Variants in EIF4E3 observed in about 807,000 individuals in gnomAD.
EIF4E3 encodes eukaryotic translation initiation factor 4E type 3.
In EIF4E3, 26 loss-of-function variants were observed where a neutral mutation model predicts 31.7. That is an observed-to-expected ratio of 0.82 (90% CI 0.60 to 1.14). The LOEUF (loss-of-function observed/expected upper bound fraction) is 1.14. EIF4E3 is among the 50% of genes most tolerant of loss of function. The pLI is 0.00. For missense variants in EIF4E3, 304 were observed against 270.9 expected (o/e 1.12, Z -0.86); for synonymous variants, 128 against 107.7 (o/e 1.19, Z -1.17).
chr3:71,752,797 G>A (rs1316062914), intron 1 of EIF4E3, among the ~76,000 whole-genome samples: 1 of 152,214 alleles, frequency 6.6e-6, no homozygotes, highest in Non-Finnish European at 1.5e-5. Context: ...GGGTTAGAAG[G>A]AGGCCCTACG....
intron 1 of EIF4E3, among the ~76,000 whole-genome samples, chr3:71,713,261 C>A (rs1301159629): frequency 6.6e-6 from 1 of 152,148 alleles, no homozygotes; most frequent in Non-Finnish European, 1.5e-5. Context: ...TTGCCCATAG[C>A]CACAAATATG....
chr3:71,727,903 C>G (rs1158424926), upstream of EIF4E3, among the ~76,000 whole-genome samples: 3 of 152,132 alleles, frequency 2.0e-5, no homozygotes, highest in Non-Finnish European at 4.4e-5. Flanking sequence ...GGATTGTGTA[C>G]CACATGAAAA....
In EIF4E3 at chr3:71,698,561, G is replaced by A. The variant is rs368595936; in HGVS notation, c.344+1053C>T. On this transcript the variant is annotated intron_variant, in intron 3 of 6. Transcript: ENST00000425534. ...TCCACTCAGGCAGGGTTGACTCCAC[G>A]TCCTAGCTTCAAAGATGGGCTTCTG... Among the ~76,000 whole-genome samples the A allele has an allele frequency of 9.2e-5, 14 of 152,274 alleles. No homozygotes were observed. The East Asian group carries it at 1.4e-3, about 15-fold the overall frequency.
upstream of EIF4E3, chr3:71,754,299 G>GCCGCGGCGGGGGCGCCGC: frequency 8.7e-7 from 1 of 1,150,576 alleles, no homozygotes; most frequent in Non-Finnish European, 1.1e-6. The surrounding 1 kb of genome is among the most constrained non-coding windows in gnomAD (Gnocchi z 5.8). Context: ...GCGTGCGGCG[G>GCCGCGGCGGGGGCGCCGC]CCGCGGCGGG....
At chr3:71,733,662 T>C (rs2049730542) in intron 1 of EIF4E3, among the ~76,000 whole-genome samples, 1 of 152,174 alleles carries the variant, frequency 6.6e-6, no homozygotes, top group South Asian at 2.1e-4. Flanking sequence ...GAGACTATTA[T>C]AAAGTACTGC....
At chr3:71,688,618 C>A (rs182379486) in intron 6 of EIF4E3, among the ~76,000 whole-genome samples, 8 of 152,036 alleles carry the variant, frequency 5.3e-5, no homozygotes, top group Non-Finnish European at 1.2e-4. Flanking sequence ...ATGTTTTAGC[C>A]CCATACATAA....
In EIF4E3 at chr3:71,693,839, C is replaced by T. The variant is rs201187509; in HGVS notation, c.472+36G>A. On this transcript the variant is annotated intron_variant, in intron 5 of 6. Transcript: ENST00000425534. ...GAAACAAGCACAAGCCAGGAGCACA[C>T]GAGGCAGGGCCGGCCGGAGCCGTGG... 2.8e-4 allele frequency: 412 copies of T among 1,488,214 alleles called. 3 individuals are homozygous for T. The East Asian group carries it at 6.8e-3, about 25-fold the overall frequency. 92.2% of individuals were successfully genotyped at this position (1,488,214 alleles called of 1,614,324 possible).
rs1423363321 is a variant in EIF4E3 at position 71,683,441 on chromosome 3, G to A, written c.*1241C>T. ...CCTTTATCAGGCAAAAGCAGCCAAA[G>A]GCTTGGCAAAGTCAGGAGAGGGAAA... On this transcript the variant is annotated 3_prime_UTR_variant, in exon 7 of 7. Transcript: ENST00000425534. 1 of 152,226 alleles carries A rather than the reference G, an allele frequency of 6.6e-6. No homozygotes were observed. The highest frequency in any genetic ancestry group is 1.5e-5 in the Non-Finnish European group (1 of 68,044). The allele number at this position is 152,226 out of a possible 1,614,324, so 9.4% of individuals were successfully genotyped here. A position where few individuals can be genotyped will look rare whatever the true frequency, so the allele number is the denominator to read the frequency against.
At chr3:71,695,030 T>C (rs1037462333) in intron 4 of EIF4E3, among the ~76,000 whole-genome samples, 7 of 152,228 alleles carry the variant, frequency 4.6e-5, no homozygotes, top group Admixed American at 3.3e-4. Flanking sequence ...ACCAAGGCCA[T>C]GGCAGTTAGC....
At chr3:71,712,852 CAAA>C (rs11403409) in intron 1 of EIF4E3, among the ~76,000 whole-genome samples, 39 of 121,194 alleles carry the variant, frequency 3.2e-4, no homozygotes, top group Non-Finnish European at 3.5e-4. Context: ...TAACCTAGAC[CAAA>C]AAAAAAAAAA....
rs79379882 is a variant in EIF4E3 at position 71,686,712 on chromosome 3, T to C, written c.629-1984A>G. 2.6e-4 allele frequency among the ~76,000 whole-genome samples: 39 copies of C among 152,152 alleles called. No homozygotes were observed. In the East Asian group the frequency reaches 5.8e-3, roughly 23 times the overall value. ...AGTGACCTGGTTTCCAAACAATAAA[T>C]CCAGATATACAGACTATCCAAAGAT... On this transcript the variant is annotated intron_variant, in intron 6 of 6. Transcript: ENST00000425534.
At chr3:71,696,267 G>A (rs1187497536) in intron 4 of EIF4E3, among the ~76,000 whole-genome samples, 193 bp downstream of exon 4, 2 of 152,212 alleles carry the variant, frequency 1.3e-5, no homozygotes, top group Non-Finnish European at 2.9e-5. Flanking sequence ...CGTCTATAGA[G>A]AAGCACAATT....
rs1314212081 is a variant in EIF4E3 at position 71,693,834 on chromosome 3, G to A, written c.472+41C>T. 12 of 1,477,144 alleles carry A rather than the reference G, an allele frequency of 8.1e-6. No individual in the cohort carries two copies. In the East Asian group the frequency reaches 1.3e-4, roughly 16 times the overall value. 91.5% of individuals were successfully genotyped at this position (1,477,144 alleles called of 1,614,324 possible). ...TGCAAGAAACAAGCACAAGCCAGGA[G>A]CACACGAGGCAGGGCCGGCCGGAGC... On this transcript the variant is annotated intron_variant, in intron 5 of 6. Transcript: ENST00000425534.
At chr3:71,719,797 C>T (rs913581110) in intron 1 of EIF4E3, among the ~76,000 whole-genome samples, 18 of 151,846 alleles carry the variant, frequency 1.2e-4, no homozygotes, top group Admixed American at 9.8e-4. Context: ...GAGAATTGCT[C>T]GAGCCCAGGA....
At chr3:71,706,252 A>G (rs1384162239) in intron 2 of EIF4E3, among the ~76,000 whole-genome samples, 1 of 152,124 alleles carries the variant, frequency 6.6e-6, no homozygotes, top group Non-Finnish European at 1.5e-5. Context: ...TCCTAGAGGC[A>G]AGGCATGACT....
downstream of EIF4E3, among the ~76,000 whole-genome samples, chr3:71,674,089 ACTTTTTT>A (rs2048860187): frequency 7.0e-5 from 2 of 28,544 alleles, no homozygotes; most frequent in African/African-American, 1.1e-4. Context: ...CATCAACTGT[ACTTTTTT>A]TTTTTTTTTT....
At chr3:71,713,075 A>G (rs1358464915) in intron 1 of EIF4E3, among the ~76,000 whole-genome samples, 1 of 152,166 alleles carries the variant, frequency 6.6e-6, no homozygotes, top group Non-Finnish European at 1.5e-5. Flanking sequence ...GGAAGTACTT[A>G]TTAGTGTAAC....
chr3:71,692,843 T>A (rs911806966), intron 5 of EIF4E3, among the ~76,000 whole-genome samples: 1 of 152,106 alleles, frequency 6.6e-6, no homozygotes, highest in South Asian at 2.1e-4. Flanking sequence ...GATCCTCCCA[T>A]CTTGGCCTCC....
At chr3:71,712,492 T>C (rs556404624) in intron 1 of EIF4E3, among the ~76,000 whole-genome samples, 30 of 152,206 alleles carry the variant, frequency 2.0e-4, no homozygotes, top group African/African-American at 7.2e-4. Flanking sequence ...GAAAAATCTA[T>C]CACTTTAACA....
Sources: allele counts gnomAD v4.1 joint callset (sites outside exome capture counted in the v4.1 genomes callset), GRCh38; gene constraint gnomAD v4.1.1; non-coding constraint Gnocchi (gnomAD v3.1); transcripts MANE v1.5; gene names NCBI Gene and HGNC (gene_info 2026-07-23, HGNC 2026-07-21).